CHCHD6: variants seen among roughly 807,000 people sequenced by gnomAD.
The protein encoded by CHCHD6 is MICOS complex subunit MIC25.
In CHCHD6, 28 loss-of-function variants were observed where a neutral mutation model predicts 32.3. The observed-to-expected ratio is 0.87, with a 90% CI of 0.64 to 1.19. The LOEUF (loss-of-function observed/expected upper bound fraction) is 1.19, where lower values mean the gene tolerates loss of function less well. CHCHD6 is among the 50% of genes most tolerant of loss of function. The probability of loss-of-function intolerance (pLI) is 0.00; values close to 1 mark genes in which losing one functional copy is unlikely to be tolerated. For missense variants in CHCHD6, 333 were observed against 307.0 expected, an observed-to-expected ratio of 1.08 and a Z score of -0.63; for synonymous variants, 122 against 117.5, an observed-to-expected ratio of 1.04 and a Z score of -0.25.
intron 4 of CHCHD6, among the ~76,000 whole-genome samples, chr3:126,775,486 C>T (rs945110821): frequency 3.3e-5 from 5 of 152,134 alleles, no homozygotes; most frequent in African/African-American, 1.2e-4. Context: ...GGAGAAACTA[C>T]AGCAATTATT....
At chr3:126,734,664 A>G (rs1032869955) in intron 4 of CHCHD6, among the ~76,000 whole-genome samples, 1 of 152,238 alleles carries the variant, frequency 6.6e-6, no homozygotes, top group East Asian at 1.9e-4. Flanking sequence ...TGGTTACAGT[A>G]GTTGTTAAAT....
In CHCHD6 at chr3:126,790,855, G is replaced by A. The variant is rs56392094; in HGVS notation, c.411+57633G>A. On this transcript the variant is annotated intron_variant, in intron 4 of 7. Transcript: ENST00000290913. ...GTCATTCTCCATCCAGCTTTGTTCC[G>A]TTGCTGGTGAGGAGCTGCTTTCCTT... Among the ~76,000 whole-genome samples the A allele has an allele frequency of 4.7e-4, 72 of 152,322 alleles. 1 individual carries two copies. Among genetic ancestry groups the A allele is most frequent in the African/African-American group, 1.3e-3 (52 of 41,572 alleles).
chr3:126,823,455 G>C (rs1367893703), intron 4 of CHCHD6, among the ~76,000 whole-genome samples: 1 of 151,940 alleles, frequency 6.6e-6, no homozygotes, highest in Non-Finnish European at 1.5e-5. Context: ...GATATTTTTT[G>C]TTATATTTAT....
At chr3:126,828,302 C>T (rs1421420981) in intron 4 of CHCHD6, among the ~76,000 whole-genome samples, 4 of 152,246 alleles carry the variant, frequency 2.6e-5, no homozygotes, top group Admixed American at 6.5e-5. Flanking sequence ...CCCAACAACT[C>T]AACCTTGGCT....
At chr3:126,867,897 ACT>A (rs1490608794) in intron 5 of CHCHD6, among the ~76,000 whole-genome samples, 1 of 152,078 alleles carries the variant, frequency 6.6e-6, no homozygotes, top group East Asian at 1.9e-4. Context: ...TTTCAGGCAG[ACT>A]CTATCTAGAG....
At chr3:126,727,592 C>T (rs115604841) in intron 2 of CHCHD6, among the ~76,000 whole-genome samples, 1,568 of 152,262 alleles carry the variant, frequency 0.01, 27 homozygotes, top group African/African-American at 0.035. Flanking sequence ...AGAATTCCGT[C>T]AGTGATTTAG....
At chr3:126,889,767 T>A (rs1390386418) in intron 5 of CHCHD6, among the ~76,000 whole-genome samples, 1 of 152,154 alleles carries the variant, frequency 6.6e-6, no homozygotes, top group Non-Finnish European at 1.5e-5. Context: ...ACTCCGTGAG[T>A]GTCAGGAATA....
At chr3:126,879,149 G>T (rs114645958) in intron 5 of CHCHD6, among the ~76,000 whole-genome samples, 1 of 152,312 alleles carries the variant, frequency 6.6e-6, no homozygotes, top group African/African-American at 2.4e-5. Flanking sequence ...GTCTAGCCTT[G>T]TTGATTGCAT....
rs116286916 is a variant in CHCHD6, at chr3:126,716,498, C to G, written c.88-10580C>G. On this transcript the variant is annotated intron_variant, in intron 1 of 7. Coordinates refer to ENST00000290913, the MANE Select transcript of CHCHD6 (RefSeq NM_032343.3). ...CTCCCTCTGTATCTGTCTCCTCCAC[C>G]CTGCTTGACCATGAGCTCTTTGAGT... Among the ~76,000 whole-genome samples the G allele has an allele frequency of 3.4e-3, 520 of 152,128 alleles. 5 individuals carry two copies. The highest frequency in any genetic ancestry group is 0.012 in the African/African-American group (486 of 41,504).
chr3:126,807,082 C>T (rs1005930354), intron 4 of CHCHD6, among the ~76,000 whole-genome samples: 5 of 149,340 alleles, frequency 3.3e-5, no homozygotes, highest in African/African-American at 7.4e-5. Flanking sequence ...TAGCATTAGG[C>T]GATATACCTA....
intron 5 of CHCHD6, among the ~76,000 whole-genome samples, chr3:126,895,129 A>G (rs1022099367): frequency 6.6e-6 from 1 of 152,188 alleles, no homozygotes; most frequent in Admixed American, 6.5e-5. Flanking sequence ...TCTCTGTTGT[A>G]TATATAAACC....
At chr3:126,887,841 C>T (rs1184992139) in intron 5 of CHCHD6, among the ~76,000 whole-genome samples, 1 of 152,230 alleles carries the variant, frequency 6.6e-6, no homozygotes, top group African/African-American at 2.4e-5. Flanking sequence ...GAATGAGAAT[C>T]ACGGACACAG....
At chr3:126,955,222 G>C (rs1218251144) in intron 6 of CHCHD6, among the ~76,000 whole-genome samples, 1 of 152,272 alleles carries the variant, frequency 6.6e-6, no homozygotes, top group Non-Finnish European at 1.5e-5. Context: ...AGACAAATCA[G>C]GGGCTGCCCC....
intron 4 of CHCHD6, among the ~76,000 whole-genome samples, chr3:126,797,903 C>T (rs927373040): frequency 8.7e-4 from 133 of 152,300 alleles, no homozygotes; most frequent in African/African-American, 2.8e-3. Context: ...AGGGCGCCTC[C>T]GTGCCAGTGT....
At chr3:126,937,490 GTCTT>G (rs1296743403) in intron 6 of CHCHD6, among the ~76,000 whole-genome samples, 3 of 152,354 alleles carry the variant, frequency 2.0e-5, no homozygotes, top group African/African-American at 7.2e-5. Flanking sequence ...GACAGTGCTG[GTCTT>G]GGCCTGTCCA....
At chr3:126,843,168 A>G (rs893589743) in intron 4 of CHCHD6, among the ~76,000 whole-genome samples, 6 of 152,140 alleles carry the variant, frequency 3.9e-5, no homozygotes, top group African/African-American at 1.4e-4. Context: ...TCTTACATCT[A>G]TTGAAAATGA....
intron 5 of CHCHD6, among the ~76,000 whole-genome samples, chr3:126,871,087 A>C (rs2077463547): frequency 6.6e-6 from 1 of 152,186 alleles, no homozygotes; most frequent in Admixed American, 6.5e-5. Context: ...CTTCCCTGAC[A>C]TACGTTCCAA....
intron 4 of CHCHD6, among the ~76,000 whole-genome samples, chr3:126,771,278 C>T (rs1937537991): frequency 6.7e-6 from 1 of 149,540 alleles, no homozygotes; most frequent in Non-Finnish European, 1.5e-5. Flanking sequence ...AATCTCGGCT[C>T]ACTGCAACCT....
At chr3:126,791,337 C>G (rs1938530405) in intron 4 of CHCHD6, among the ~76,000 whole-genome samples, 1 of 152,228 alleles carries the variant, frequency 6.6e-6, no homozygotes, top group Non-Finnish European at 1.5e-5. Flanking sequence ...AGAACCACTA[C>G]TCTCTTCAAA....
Sources: allele counts gnomAD v4.1 joint callset (sites outside exome capture counted in the v4.1 genomes callset), GRCh38; gene constraint gnomAD v4.1.1; transcripts MANE v1.5; gene names NCBI Gene and HGNC (gene_info 2026-07-23, HGNC 2026-07-21).